Variants in ANO10 observed in about 807,000 individuals in gnomAD.
ANO10 encodes anoctamin 10, also known as anoctamin-10.
In ANO10, 77 loss-of-function variants were observed where a neutral mutation model predicts 74.7. The ratio of observed to expected loss-of-function variants is 1.03; its 90% CI spans 0.86 to 1.25. ANO10 has a LOEUF of 1.25. ANO10 is among the 50% of genes most tolerant of loss of function. The probability of loss-of-function intolerance (pLI) is 0.00; values close to 1 mark genes in which losing one functional copy is unlikely to be tolerated. For synonymous variants in ANO10, 279 were observed against 284.9 expected (o/e 0.98, Z 0.21); for missense variants, 721 against 778.1 (o/e 0.93, Z 0.87).
At chr3:43,586,289 C>T (rs1459482833) in intron 4 of ANO10, among the ~76,000 whole-genome samples, 2 of 152,060 alleles carry the variant, frequency 1.3e-5, no homozygotes, top group Non-Finnish European at 2.9e-5. Context: ...AGGTAACTAG[C>T]TGTGGAGCTG....
chr3:43,572,209 T>A (rs998755230), intron 7 of ANO10, among the ~76,000 whole-genome samples: 2 of 152,166 alleles, frequency 1.3e-5, no homozygotes, highest in African/African-American at 4.8e-5. Context: ...GGAGCCCTGC[T>A]AAATTGGCAA....
chr3:43,513,073 G>T (rs114409851), intron 11 of ANO10, among the ~76,000 whole-genome samples: 10 of 152,300 alleles, frequency 6.6e-5, no homozygotes, highest in African/African-American at 1.9e-4. Flanking sequence ...AGGTCTGCAG[G>T]TGATCTCCCT....
At chr3:43,576,481 T>C (rs201169019) in intron 6 of ANO10, among the ~76,000 whole-genome samples, 2 of 152,200 alleles carry the variant, frequency 1.3e-5, no homozygotes, top group South Asian at 4.1e-4. Context: ...ACCTAGAACA[T>C]AGTAATTAAC....
At chr3:43,623,236 A>G (rs2083457396), upstream of ANO10, among the ~76,000 whole-genome samples, 2 of 152,296 alleles carry the variant, frequency 1.3e-5, no homozygotes, top group Admixed American at 1.3e-4. Context: ...ACAATAAGAT[A>G]TTTGGAGAGA....
intron 7 of ANO10, among the ~76,000 whole-genome samples, chr3:43,566,684 G>A (rs1171390461): frequency 2.6e-5 from 4 of 152,212 alleles, no homozygotes; most frequent in Non-Finnish European, 5.9e-5. Flanking sequence ...AAACCCATCT[G>A]TACATCACCA....
intron 2 of ANO10, among the ~76,000 whole-genome samples, chr3:43,602,541 A>G (rs1260209682): frequency 6.6e-5 from 10 of 152,226 alleles, no homozygotes; most frequent in Non-Finnish European, 1.3e-4. Flanking sequence ...TCACTGTGTT[A>G]GCCAGGCTGG....
chr3:43,480,751 T>C (rs1314562187), intron 11 of ANO10, among the ~76,000 whole-genome samples: 1 of 152,012 alleles, frequency 6.6e-6, no homozygotes, highest in Non-Finnish European at 1.5e-5. Context: ...GTTCCAGAAA[T>C]ACCCTCTCCA....
intron 1 of ANO10, among the ~76,000 whole-genome samples, chr3:43,666,966 GTGTAATTA>G (rs1277403828): frequency 2.2e-5 from 2 of 89,888 alleles, no homozygotes; most frequent in Non-Finnish European, 4.3e-5. Context: ...TAATCTACAT[GTGTAATTA>G]TATTTAAAGT....
chr3:43,375,291 C>CA (rs576952103), intron 12 of ANO10, among the ~76,000 whole-genome samples: 74 of 150,792 alleles, frequency 4.9e-4, no homozygotes, highest in Middle Eastern at 3.5e-3. Flanking sequence ...ACTAAAAATA[C>CA]AAAAAAAATA....
chr3:43,580,212 A>G, intron 5 of ANO10, 141 bp downstream of exon 5: 3 of 1,183,020 alleles, frequency 2.5e-6, no homozygotes, highest in Non-Finnish European at 3.7e-6. Flanking sequence ...CCCTCCATCA[A>G]AATGTTTTCC....
At chr3:43,462,520 C>A (rs2075424658) in intron 11 of ANO10, among the ~76,000 whole-genome samples, 1 of 152,160 alleles carries the variant, frequency 6.6e-6, no homozygotes, top group Admixed American at 6.5e-5. Context: ...TGTTAAACCA[C>A]CATACCAGGC....
intron 11 of ANO10, among the ~76,000 whole-genome samples, chr3:43,520,365 G>C (rs1031803893): frequency 1.3e-5 from 2 of 152,152 alleles, no homozygotes; most frequent in Non-Finnish European, 2.9e-5. Context: ...TTAAGGTGCT[G>C]GCAAATTTGG....
intron 11 of ANO10, among the ~76,000 whole-genome samples, chr3:43,468,312 G>C (rs1453030513): frequency 6.6e-6 from 1 of 152,112 alleles, no homozygotes; most frequent in African/African-American, 2.4e-5. Context: ...GCACAGTATT[G>C]ACACATGGGC....
chr3:43,560,817 G>A (rs1228277091), intron 9 of ANO10, among the ~76,000 whole-genome samples: 1 of 152,156 alleles, frequency 6.6e-6, no homozygotes, highest in African/African-American at 2.4e-5. Context: ...GCATTCCATT[G>A]TTCATCAATG....
chr3:43,415,900 T>C (rs985588123), intron 12 of ANO10, among the ~76,000 whole-genome samples: 3 of 152,154 alleles, frequency 2.0e-5, no homozygotes, highest in Admixed American at 1.3e-4. Flanking sequence ...CACACATCAT[T>C]CTCACAGAAG....
intron 12 of ANO10, among the ~76,000 whole-genome samples, chr3:43,392,781 C>T (rs1277534972): frequency 6.6e-6 from 1 of 152,112 alleles, no homozygotes; most frequent in East Asian, 1.9e-4. Context: ...TCTTTTCCAG[C>T]CAAATGCATT....
intron 1 of ANO10, among the ~76,000 whole-genome samples, chr3:43,688,364 C>A (rs914257740): frequency 2.2e-4 from 33 of 152,150 alleles, no homozygotes; most frequent in African/African-American, 7.7e-4. Flanking sequence ...TGTAGGGCAT[C>A]AGTTTCTGCA....
chr3:43,462,514 A>T (rs1426023037), intron 11 of ANO10, among the ~76,000 whole-genome samples: 1 of 152,206 alleles, frequency 6.6e-6, no homozygotes, highest in African/African-American at 2.4e-5. Context: ...TACAGGTGTT[A>T]AACCACCATA....
intron 12 of ANO10, among the ~76,000 whole-genome samples, chr3:43,427,211 T>C (rs1393250111): frequency 2.0e-5 from 3 of 152,104 alleles, no homozygotes; most frequent in African/African-American, 4.8e-5. Context: ...TGGCACAAGG[T>C]GGCCTCAAAC....
Sources: gnomAD v4.1 joint callset for allele counts (sites outside exome capture counted in the v4.1 genomes callset) on GRCh38, gnomAD v4.1.1 for gene constraint, MANE v1.5 for transcripts, NCBI Gene and HGNC (gene_info 2026-07-23, HGNC 2026-07-21) for gene names.